DMD: variants seen among roughly 807,000 people sequenced by gnomAD.
The protein encoded by DMD is mutant dystrophin.
A neutral mutation model predicts 330.1 loss-of-function variants in DMD; 63 were observed. The observed-to-expected ratio is 0.19, with a 90% CI of 0.16 to 0.24. The LOEUF (loss-of-function observed/expected upper bound fraction) is 0.24, where lower values mean the gene tolerates loss of function less well. DMD is among the 10% of genes least tolerant of loss of function. The pLI, the probability that DMD is intolerant of heterozygous loss-of-function variation, is 1.00. For missense variants in DMD, 3,344 were observed against 2,684.1 expected (o/e 1.25, Z -5.43); for synonymous variants, 1,223 against 959.8 (o/e 1.27, Z -5.07).
At chrX:31,623,840 C>T (rs989639211) in intron 55 of DMD, among the ~76,000 whole-genome samples, 34 of 110,741 alleles carry the variant, frequency 3.1e-4, no homozygotes, top group African/African-American at 8.6e-4. Flanking sequence ...TTAATTACAC[C>T]ACCTTTATGA....
At chrX:32,389,044 G>A (rs1050870598) in intron 32 of DMD, among the ~76,000 whole-genome samples, 3 of 111,326 alleles carry the variant, frequency 2.7e-5, no homozygotes, top group Non-Finnish European at 5.7e-5. Context: ...ACCTGAATTG[G>A]AATCTTGCTT....
intron 62 of DMD, among the ~76,000 whole-genome samples, chrX:31,271,165 A>C (rs1275168477): frequency 9.0e-6 from 1 of 111,602 alleles, no homozygotes; most frequent in East Asian, 2.8e-4. Context: ...GCATTCTCCG[A>C]GCTAGGAATT....
chrX:31,633,007 T>C (rs775149692), intron 54 of DMD, among the ~76,000 whole-genome samples: 18 of 111,696 alleles, frequency 1.6e-4, no homozygotes, highest in Non-Finnish European at 3.0e-4. Flanking sequence ...TTATCTGTTT[T>C]TGGGCAACAT....
At chrX:32,455,115 A>T (rs1285216365) in intron 25 of DMD, among the ~76,000 whole-genome samples, 1 of 111,153 alleles carries the variant, frequency 9.0e-6, no homozygotes, top group Non-Finnish European at 1.9e-5. Flanking sequence ...CTGTGAATGG[A>T]GAAAAACAAG....
At chrX:32,708,984 G>T (rs191172930) in intron 7 of DMD, among the ~76,000 whole-genome samples, 1 of 111,842 alleles carries the variant, frequency 8.9e-6, no homozygotes, top group Non-Finnish European at 1.9e-5. Flanking sequence ...CGAACATCAC[G>T]CATTTGTGTA....
chrX:32,518,731 C>T (rs2046114100), intron 17 of DMD, among the ~76,000 whole-genome samples: 1 of 110,736 alleles, frequency 9.0e-6, no homozygotes, highest in African/African-American at 3.3e-5. Context: ...GAAACTTGAT[C>T]TGTCCATGTG....
At chrX:31,762,766 T>C (rs149734453) in intron 51 of DMD, among the ~76,000 whole-genome samples, 2,582 of 109,672 alleles carry the variant, frequency 0.024, 82 homozygotes, top group African/African-American at 0.081. Flanking sequence ...CTGTCACGCA[T>C]AGCTAAACAC....
intron 49 of DMD, 84 bp downstream of exon 49, chrX:31,836,634 T>C (rs758279216): frequency 3.9e-6 from 3 of 759,950 alleles, no homozygotes; most frequent in South Asian, 4.2e-5. Context: ...TGATTATAAA[T>C]AGTCCACGTC....
chrX:32,727,718 A>G (rs903807431), intron 7 of DMD, among the ~76,000 whole-genome samples: 1 of 111,049 alleles, frequency 9.0e-6, no homozygotes, highest in Non-Finnish European at 1.9e-5. Flanking sequence ...AAAGGTTTCT[A>G]TGATGTATAT....
At chrX:32,847,913 A>G (rs2080822477) in intron 3 of DMD, among the ~76,000 whole-genome samples, 1 of 112,404 alleles carries the variant, frequency 8.9e-6, no homozygotes, top group African/African-American at 3.2e-5. Flanking sequence ...TTTATATCAA[A>G]TGGGTAGTGT....
At chrX:32,323,684 T>C (rs184190625) in intron 41 of DMD, among the ~76,000 whole-genome samples, 1 of 111,329 alleles carries the variant, frequency 9.0e-6, no homozygotes, top group African/African-American at 3.3e-5. Context: ...ACTAGTAAAA[T>C]GATAGTACAA....
chrX:32,539,172 C>CTTT (rs71980872), intron 17 of DMD, among the ~76,000 whole-genome samples: 17,421 of 95,236 alleles, frequency 0.18, 1,362 homozygotes, highest in East Asian at 0.3. Flanking sequence ...ATTTCTATTT[C>CTTT]TTTTTTTTTT....
chrX:32,803,126 T>C (rs2076702836), intron 7 of DMD, among the ~76,000 whole-genome samples: 1 of 111,956 alleles, frequency 8.9e-6, no homozygotes, highest in African/African-American at 3.2e-5. Context: ...AGGCTATTAA[T>C]TACTGCCTCA....
intron 1 of DMD, among the ~76,000 whole-genome samples, chrX:33,295,221 G>A (rs12559939): frequency 0.22 from 24,627 of 109,948 alleles, 2,036 homozygotes; most frequent in Admixed American, 0.28. Context: ...TTTCACTGTC[G>A]TCTACACTTG....
chrX:32,647,705 A>T lies in DMD; in HGVS notation c.961-2553T>A, dbSNP rs373694903. Reference sequence around the variant, plus strand: ...GATTGTGGTAAGAATTAAAGAGTGCATAATGCACTTCACAGAGTGACCTTG... The same window carrying T: ...GATTGTGGTAAGAATTAAAGAGTGCTTAATGCACTTCACAGAGTGACCTTG... On this transcript the variant is annotated intron_variant, in intron 9 of 78. Transcript: ENST00000357033. 3.6e-5 allele frequency among the ~76,000 whole-genome samples: 4 copies of T among 112,135 alleles called. No homozygotes were observed. In the East Asian group the frequency reaches 1.1e-3, roughly 31 times the overall value.
At chrX:31,180,567 C>G in intron 68 of DMD, 86 bp from the exon 69 acceptor site, 1 of 656,497 alleles carries the variant, frequency 1.5e-6, no homozygotes, top group Non-Finnish European at 2.5e-6. Flanking sequence ...CTACCACGTT[C>G]TAATTTGAGA....
intron 52 of DMD, among the ~76,000 whole-genome samples, chrX:31,712,674 T>C (rs1809095345): frequency 9.0e-6 from 1 of 111,410 alleles, no homozygotes; most frequent in African/African-American, 3.3e-5. Context: ...TTTCCTTTTT[T>C]CTTAAATTCA....
chrX:32,766,874 T>C (rs892173786), intron 7 of DMD, among the ~76,000 whole-genome samples: 2 of 111,573 alleles, frequency 1.8e-5, no homozygotes, highest in Non-Finnish European at 3.8e-5. Flanking sequence ...TTGTATGCCA[T>C]ATATTTATAC....
At chrX:32,271,227 C>A (rs189698799) in intron 43 of DMD, among the ~76,000 whole-genome samples, 1 of 111,874 alleles carries the variant, frequency 8.9e-6, no homozygotes, top group Non-Finnish European at 1.9e-5. Flanking sequence ...GACAAACAGA[C>A]AAAATTTGCC....
Sources: gnomAD v4.1 joint callset for allele counts (sites outside exome capture counted in the v4.1 genomes callset) on GRCh38, gnomAD v4.1.1 for gene constraint, MANE v1.5 for transcripts, NCBI Gene and HGNC (gene_info 2026-07-23, HGNC 2026-07-21) for gene names.